PACRG: variants seen among roughly 807,000 people sequenced by gnomAD.
PACRG encodes parkin coregulated gene protein.
In PACRG, 29 loss-of-function variants were observed where a neutral mutation model predicts 29.7. The observed-to-expected ratio is 0.98, with a 90% CI of 0.73 to 1.33. The LOEUF is 1.33. Ranked by LOEUF, PACRG falls within the 40% of genes most tolerant of loss-of-function variation. The pLI, the probability that PACRG is intolerant of heterozygous loss-of-function variation, is 0.00. For missense variants in PACRG, 279 were observed against 316.2 expected, an observed-to-expected ratio of 0.88 and a Z score of 0.89; for synonymous variants, 116 against 118.7, an observed-to-expected ratio of 0.98 and a Z score of 0.15.
intron 2 of PACRG, among the ~76,000 whole-genome samples, chr6:162,818,777 C>T (rs1185422037): frequency 6.6e-6 from 1 of 152,130 alleles, no homozygotes; most frequent in Non-Finnish European, 1.5e-5. Context: ...ATATGACATG[C>T]ACTAAGACGG....
At chr6:163,178,505 G>A (rs1354160879) in intron 4 of PACRG, among the ~76,000 whole-genome samples, 2 of 152,138 alleles carry the variant, frequency 1.3e-5, no homozygotes, top group Non-Finnish European at 2.9e-5. Flanking sequence ...GGAAACTTTA[G>A]TATTAAAGTA....
At chr6:163,022,761 T>C (rs1350981974) in intron 2 of PACRG, among the ~76,000 whole-genome samples, 1 of 152,250 alleles carries the variant, frequency 6.6e-6, no homozygotes, top group Non-Finnish European at 1.5e-5. Context: ...GATTTAGGAA[T>C]AGTGAAATTT....
intron 2 of PACRG, among the ~76,000 whole-genome samples, chr6:162,855,058 C>T (rs1396690133): frequency 6.6e-6 from 1 of 152,248 alleles, no homozygotes; most frequent in African/African-American, 2.4e-5. Context: ...AGAGGACTCC[C>T]CACGCAGTCT....
intron 4 of PACRG, among the ~76,000 whole-genome samples, chr6:163,158,508 A>C (rs1174604611): frequency 6.6e-6 from 1 of 152,212 alleles, no homozygotes; most frequent in Non-Finnish European, 1.5e-5. Context: ...AAAGTAGGGA[A>C]CGTGAATTAC....
At position 162,995,570 on chromosome 6, in the gene PACRG, C is replaced by A. The variant is rs1434418395; in HGVS notation, c.292-66580C>A. On this transcript the variant is annotated intron_variant, in intron 2 of 4. Coordinates refer to ENST00000366888, the MANE Select transcript of PACRG (RefSeq NM_001080379.2). Reference sequence around the variant, plus strand: ...ACTCCCTGACCCCTTGCGCTTCCCACGTGAGGCAATGCCTTGCCCTGCTTC... The same window carrying A: ...ACTCCCTGACCCCTTGCGCTTCCCAAGTGAGGCAATGCCTTGCCCTGCTTC... 5.3e-5 allele frequency among the ~76,000 whole-genome samples: 8 copies of A among 152,230 alleles called. No individual in the cohort carries two copies. The East Asian group carries it at 7.7e-4, about 15-fold the overall frequency.
chr6:162,837,767 C>T (rs991244391), intron 2 of PACRG, among the ~76,000 whole-genome samples: 2 of 152,062 alleles, frequency 1.3e-5, no homozygotes, highest in African/African-American at 4.8e-5. Context: ...CACCTCAGCA[C>T]ATGTTTTAAA....
intron 1 of PACRG, among the ~76,000 whole-genome samples, chr6:162,733,443 A>T (rs1355353291): frequency 6.6e-6 from 1 of 152,086 alleles, no homozygotes; most frequent in Non-Finnish European, 1.5e-5. Flanking sequence ...TTCTTATCTC[A>T]TATTCTCCTA....
intron 3 of PACRG, among the ~76,000 whole-genome samples, chr6:163,066,352 A>T (rs200673416): frequency 1.3e-5 from 2 of 152,226 alleles, no homozygotes; most frequent in East Asian, 3.8e-4. Flanking sequence ...TGACTGCAGT[A>T]TCCCTCTGTC....
rs559241761 is a variant in PACRG, at chr6:163,283,469, T to C, written c.614-31358T>C. 2.6e-4 allele frequency among the ~76,000 whole-genome samples: 39 copies of C among 152,298 alleles called. No homozygotes were observed. The South Asian group carries it at 6.6e-3, about 26-fold the overall frequency. ...TCAGATTAGGATGCCATAAACACAA[T>C]GTTATGGATAAATCAATGTGTTAGG... On this transcript the variant is annotated intron_variant, in intron 4 of 4. Transcript: ENST00000366888.
At chr6:163,216,172 G>T (rs147176833) in intron 4 of PACRG, among the ~76,000 whole-genome samples, 1 of 152,212 alleles carries the variant, frequency 6.6e-6, no homozygotes, top group Non-Finnish European at 1.5e-5. Flanking sequence ...AGAGCTGGCC[G>T]TTGTAAAGAG....
At chr6:162,901,047 T>G (rs2128057869) in intron 2 of PACRG, among the ~76,000 whole-genome samples, 1 of 152,300 alleles carries the variant, frequency 6.6e-6, no homozygotes, top group African/African-American at 2.4e-5. Flanking sequence ...TTTAATCAAA[T>G]GAATGAATAT....
At chr6:162,934,841 C>A (rs1371099103) in intron 2 of PACRG, among the ~76,000 whole-genome samples, 1 of 152,134 alleles carries the variant, frequency 6.6e-6, no homozygotes, top group Non-Finnish European at 1.5e-5. Context: ...TGCAGGGTTC[C>A]CTTAAACATT....
intron 2 of PACRG, among the ~76,000 whole-genome samples, chr6:162,919,431 G>A (rs779933406): frequency 1.3e-4 from 20 of 152,140 alleles, no homozygotes; most frequent in Non-Finnish European, 1.5e-4. Context: ...TTCTTGTTAC[G>A]AATGATTTGA....
At chr6:163,091,875 C>G (rs1171674178) in intron 4 of PACRG, among the ~76,000 whole-genome samples, 13 of 152,120 alleles carry the variant, frequency 8.5e-5, no homozygotes, top group Non-Finnish European at 7.4e-5. Flanking sequence ...AGCAGATGTC[C>G]TTAGTAACAG....
chr6:163,066,836 A>C (rs1811587932), intron 3 of PACRG, among the ~76,000 whole-genome samples: 1 of 152,246 alleles, frequency 6.6e-6, no homozygotes, highest in Admixed American at 6.5e-5. Context: ...AAAAAAGCAG[A>C]AGTCGTGATT....
intron 2 of PACRG, among the ~76,000 whole-genome samples, chr6:162,850,886 G>T (rs988270454): frequency 6.6e-6 from 1 of 152,226 alleles, no homozygotes; most frequent in African/African-American, 2.4e-5. Flanking sequence ...AATGGTGTCT[G>T]GGGGAGGGAG....
At chr6:163,123,433 T>C (rs766098189) in intron 4 of PACRG, among the ~76,000 whole-genome samples, 6 of 152,348 alleles carry the variant, frequency 3.9e-5, no homozygotes, top group Middle Eastern at 3.4e-3. Context: ...AGGAAATGGT[T>C]TGGGGGGTCG....
chr6:163,028,724 T>C (rs1211957480), intron 2 of PACRG, among the ~76,000 whole-genome samples: 2 of 152,234 alleles, frequency 1.3e-5, no homozygotes, highest in African/African-American at 4.8e-5. Flanking sequence ...CTAAATCTTA[T>C]CAGGACTGTG....
intron 3 of PACRG, among the ~76,000 whole-genome samples, chr6:163,087,068 A>T (rs966058373): frequency 4.6e-5 from 7 of 152,148 alleles, no homozygotes; most frequent in African/African-American, 1.7e-4. Context: ...CGGTACCTTG[A>T]AAGACAGGTT....
Sources: allele counts gnomAD v4.1 joint callset (sites outside exome capture counted in the v4.1 genomes callset), GRCh38; gene constraint gnomAD v4.1.1; transcripts MANE v1.5; gene names NCBI Gene and HGNC (gene_info 2026-07-23, HGNC 2026-07-21).